CLEC16A: variants seen among roughly 807,000 people sequenced by gnomAD.
CLEC16A encodes protein CLEC16A.
CLEC16A carries 51 observed loss-of-function variants against 109.5 expected under a neutral mutation model. The ratio of observed to expected loss-of-function variants is 0.47; its 90% CI spans 0.37 to 0.59. The LOEUF (loss-of-function observed/expected upper bound fraction) is 0.59, where lower values mean the gene tolerates loss of function less well. Ranked by LOEUF, CLEC16A falls within the 20% of genes least tolerant of loss-of-function variation. The pLI, the probability that CLEC16A is intolerant of heterozygous loss-of-function variation, is 0.00. For synonymous variants in CLEC16A, 673 were observed against 564.2 expected (o/e 1.19, Z -2.73); for missense variants, 1,339 against 1,394.0 (o/e 0.96, Z 0.63).
In CLEC16A at chr16:11,178,636, GC is replaced by G; in HGVS notation, c.3111del (p.Val1038TrpfsTer74). 1 of 1,585,808 alleles carries G rather than the reference GC, an allele frequency of 6.3e-7. No homozygotes were observed. The highest frequency in any genetic ancestry group is 8.5e-7 in the Non-Finnish European group (1 of 1,170,416). On this transcript the variant is annotated frameshift_variant, in exon 24 of 24. Coordinates refer to ENST00000409790, the MANE Select transcript of CLEC16A (RefSeq NM_015226.3). LOFTEE classifies it low-confidence loss of function (END_TRUNC). This position sits in a 1 kb window ranked among gnomAD's most constrained non-coding sequence, Gnocchi z 6.5. ...CCACGCCGGCTGCCGCCTGCACAGA[GC>G]CCGTGGGCGAAGAGGCTGCATGTGC... ...LSTPAAACTE[P>X]VGEEAACAEP...
At chr16:11,139,211 G>T (rs566330730) in intron 22 of CLEC16A, among the ~76,000 whole-genome samples, 2 of 152,216 alleles carry the variant, frequency 1.3e-5, no homozygotes, top group South Asian at 4.2e-4. Context: ...GGGGTCTCCG[G>T]GGTGGCCCAC....
At chr16:11,128,774 C>T (rs919207206) in intron 22 of CLEC16A, among the ~76,000 whole-genome samples, 8 of 152,102 alleles carry the variant, frequency 5.3e-5, no homozygotes, top group Admixed American at 1.3e-4. Context: ...ATTCTTAAAA[C>T]TTTTCACCCT....
In CLEC16A at chr16:10,957,864, A is replaced by G. The variant is rs1216619042; in HGVS notation, c.163A>G (p.Thr55Ala). ...NLLVETIRSI[T>A]EILIWGDQND... ...GCTAGTGGAGACCATCCGTTCCATCACTGAGATCCTGATCTGGGGAGATCA... is the reference window on the plus strand; with the variant it reads ...GCTAGTGGAGACCATCCGTTCCATCGCTGAGATCCTGATCTGGGGAGATCA... Residue 55 changes from threonine (T) to alanine (A), a missense_variant, in exon 2 of 24, where the codon ACT becomes GCT. Coordinates refer to ENST00000409790, the MANE Select transcript of CLEC16A (RefSeq NM_015226.3). 1.2e-6 allele frequency: 2 copies of G among 1,613,782 alleles called. No homozygotes were observed. Among genetic ancestry groups the G allele is most frequent in the African/African-American group, 1.3e-5 (1 of 74,912 alleles).
intron 19 of CLEC16A, among the ~76,000 whole-genome samples, chr16:11,085,070 C>T (rs2049936298): frequency 6.6e-6 from 1 of 152,196 alleles, no homozygotes; most frequent in African/African-American, 2.4e-5. Context: ...AGGGAGCCAG[C>T]ACCAGAAGCC....
At chr16:10,972,217 G>T (rs1235353323) in intron 5 of CLEC16A, among the ~76,000 whole-genome samples, 2 of 152,198 alleles carry the variant, frequency 1.3e-5, no homozygotes, top group African/African-American at 2.4e-5. Flanking sequence ...GCTAGTCAAG[G>T]CCCACAGTCC....
chr16:10,958,195 G>A (rs1021751633), intron 2 of CLEC16A, among the ~76,000 whole-genome samples: 2 of 152,352 alleles, frequency 1.3e-5, no homozygotes, highest in South Asian at 4.1e-4. Context: ...CCCAAAGGAA[G>A]GAGAACATGT....
chr16:11,033,058 A>T (rs1413823832), intron 13 of CLEC16A, among the ~76,000 whole-genome samples: 2 of 151,748 alleles, frequency 1.3e-5, no homozygotes, highest in Non-Finnish European at 2.9e-5. Flanking sequence ...TCCAGGCGAG[A>T]TAATGTGGAT....
At chr16:11,012,210 T>G (rs1287687860) in intron 11 of CLEC16A, among the ~76,000 whole-genome samples, 1 of 152,224 alleles carries the variant, frequency 6.6e-6, no homozygotes, top group Non-Finnish European at 1.5e-5. Context: ...GGCATACTTC[T>G]GGTCACGAAA....
intron 22 of CLEC16A, chr16:11,157,322 G>C (rs2054571137): frequency 2.3e-5 from 21 of 918,914 alleles, no homozygotes; most frequent in Admixed American, 4.4e-5. Context: ...CCCTTCCCCA[G>C]GTGCCTGATG....
At chr16:11,051,372 C>A in intron 17 of CLEC16A, 141 bp from the exon 18 acceptor site, 1 of 882,276 alleles carries the variant, frequency 1.1e-6, no homozygotes, top group Non-Finnish European at 1.7e-6. Flanking sequence ...TGCTTTACTT[C>A]AATCTAAATC....
intron 11 of CLEC16A, among the ~76,000 whole-genome samples, chr16:11,007,260 C>T (rs1421280331): frequency 6.6e-6 from 1 of 152,172 alleles, no homozygotes; most frequent in Non-Finnish European, 1.5e-5. Flanking sequence ...TTTGAACCTG[C>T]CAGGTTAGCT....
intron 19 of CLEC16A, among the ~76,000 whole-genome samples, chr16:11,115,193 C>G (rs1372101664): frequency 6.6e-6 from 1 of 151,836 alleles, no homozygotes; most frequent in Non-Finnish European, 1.5e-5. Context: ...AGATGAACTT[C>G]TTTTGTGAAT....
intron 23 of CLEC16A, among the ~76,000 whole-genome samples, chr16:11,173,939 G>T (rs2068634369): frequency 6.6e-6 from 1 of 152,182 alleles, no homozygotes; most frequent in Non-Finnish European, 1.5e-5. Flanking sequence ...TCCCGACCCT[G>T]CCTCATCCTG....
intron 2 of CLEC16A, among the ~76,000 whole-genome samples, chr16:10,959,223 A>G (rs79479146): frequency 0.018 from 2,729 of 152,338 alleles, 41 homozygotes; most frequent in Non-Finnish European, 0.027. Flanking sequence ...GGTTCAGGGT[A>G]GCTTTATATT....
rs45566734 is a variant in CLEC16A, at chr16:11,181,815, G to A, written c.*3125G>A. On this transcript the variant is annotated 3_prime_UTR_variant, in exon 24 of 24. Coordinates refer to ENST00000409790, the MANE Select transcript of CLEC16A (RefSeq NM_015226.3). ...GTGAAGAAGCGCAGCCCTGCCAGAC[G>A]CGCTAGATTCCTCTAAGGTCTCTGA... 888 of 152,760 alleles carry A rather than the reference G, an allele frequency of 5.8e-3. 1 individual carries two copies. The highest frequency in any genetic ancestry group is 9.0e-3 in the Non-Finnish European group (610 of 68,040). The allele number at this position is 152,760 out of a possible 1,614,324, so 9.5% of individuals were successfully genotyped here. A position where few individuals can be genotyped will look rare whatever the true frequency, so the allele number is the denominator to read the frequency against.
At chr16:11,027,519 C>T in intron 13 of CLEC16A, 1 of 1,575,908 alleles carries the variant, frequency 6.3e-7, no homozygotes, top group Non-Finnish European at 8.6e-7. Flanking sequence ...TAAGACCATC[C>T]CTCTGACAGA....
chr16:11,157,608 T>G (rs2054581953), intron 22 of CLEC16A, among the ~76,000 whole-genome samples: 1 of 152,220 alleles, frequency 6.6e-6, no homozygotes. Context: ...TTGGAGTCAC[T>G]GCTATCTGAA....
chr16:11,105,353 CAAGGAGTGAAGCTTTTGCAAG>C (rs2051153504), intron 19 of CLEC16A, among the ~76,000 whole-genome samples: 1 of 152,194 alleles, frequency 6.6e-6, no homozygotes, highest in East Asian at 1.9e-4. Flanking sequence ...AGAAGAGGAA[CAAGGAGTGAAGCTTTTGCAAG>C]TTGCTCATCC....
At chr16:11,145,321 G>A (rs767070552) in intron 22 of CLEC16A, among the ~76,000 whole-genome samples, 3 of 152,228 alleles carry the variant, frequency 2.0e-5, no homozygotes, top group Non-Finnish European at 2.9e-5. Context: ...CACTTAGCTG[G>A]AAGGAAGAGG....
Sources: allele counts gnomAD v4.1 joint callset (sites outside exome capture counted in the v4.1 genomes callset), GRCh38; gene constraint gnomAD v4.1.1; non-coding constraint Gnocchi (gnomAD v3.1); transcripts MANE v1.5; gene names NCBI Gene and HGNC (gene_info 2026-07-23, HGNC 2026-07-21).